The following KCNH1 variants were observed in gnomAD, a reference collection of about 807,000 sequenced individuals.
The protein encoded by KCNH1 is potassium voltage-gated channel subfamily H member 1.
In KCNH1, 27 loss-of-function variants were observed where a neutral mutation model predicts 69.2. The ratio of observed to expected loss-of-function variants is 0.39; its 90% CI spans 0.29 to 0.54. The LOEUF is 0.54. KCNH1 is among the 20% of genes least tolerant of loss of function. The pLI is 0.68. For missense variants in KCNH1, 798 were observed against 1,261.6 expected, an observed-to-expected ratio of 0.63 and a Z score of 5.57; for synonymous variants, 456 against 487.7, an observed-to-expected ratio of 0.93 and a Z score of 0.86.
intron 7 of KCNH1, among the ~76,000 whole-genome samples, chr1:210,846,842 G>A (rs1418888367): frequency 6.6e-6 from 1 of 152,104 alleles, no homozygotes; most frequent in Non-Finnish European, 1.5e-5. Context: ...CTGACAAAGG[G>A]CTAATATCCA....
intron 7 of KCNH1, among the ~76,000 whole-genome samples, chr1:210,869,506 T>C (rs1686190389): frequency 6.6e-6 from 1 of 150,696 alleles, no homozygotes; most frequent in African/African-American, 2.4e-5. Flanking sequence ...TGTGTGTGTG[T>C]GTGTGTGTGT....
chr1:210,959,295 C>T (rs1688249798), intron 6 of KCNH1, among the ~76,000 whole-genome samples: 1 of 152,110 alleles, frequency 6.6e-6, no homozygotes, highest in Admixed American at 6.5e-5. Context: ...GAAGCTTTGT[C>T]CCAGAGGGGC....
At chr1:210,779,966 GCA>G (rs1250548585) in intron 9 of KCNH1, among the ~76,000 whole-genome samples, 2 of 152,154 alleles carry the variant, frequency 1.3e-5, no homozygotes, top group African/African-American at 4.8e-5. Flanking sequence ...CCAGGGAGGG[GCA>G]CAGCACAGAA....
chr1:210,705,071 G>A (rs529144364), intron 10 of KCNH1, among the ~76,000 whole-genome samples: 2 of 152,140 alleles, frequency 1.3e-5, no homozygotes, highest in Admixed American at 6.5e-5. Context: ...CGGCCCCTGC[G>A]CAGGAGACAA....
intron 7 of KCNH1, among the ~76,000 whole-genome samples, chr1:210,854,024 A>G (rs1181061805): frequency 2.0e-5 from 3 of 147,510 alleles, no homozygotes; most frequent in Non-Finnish European, 4.5e-5. Flanking sequence ...GTTTTGTCAC[A>G]TAAATGAAAT....
intron 7 of KCNH1, among the ~76,000 whole-genome samples, chr1:210,863,937 G>C (rs1002572919): frequency 6.6e-6 from 1 of 151,314 alleles, no homozygotes; most frequent in South Asian, 2.1e-4. Flanking sequence ...GATCATACAA[G>C]CACATGCACC....
At chr1:210,985,400 G>T (rs1193788195) in intron 6 of KCNH1, among the ~76,000 whole-genome samples, 1 of 152,128 alleles carries the variant, frequency 6.6e-6, no homozygotes, top group Non-Finnish European at 1.5e-5. Context: ...GATCTTTCCT[G>T]CTTTCTCTTG....
At chr1:210,801,114 TTGAAGTCC>T (rs1011351740) in intron 8 of KCNH1, among the ~76,000 whole-genome samples, 2 of 152,176 alleles carry the variant, frequency 1.3e-5, no homozygotes, top group Non-Finnish European at 2.9e-5. Flanking sequence ...CAGGGAGGCT[TTGAAGTCC>T]AGAAGGTCAT....
chr1:210,717,772 T>C (rs1682296456), intron 10 of KCNH1, among the ~76,000 whole-genome samples: 1 of 152,194 alleles, frequency 6.6e-6, no homozygotes, highest in Non-Finnish European at 1.5e-5. Flanking sequence ...GAGCCACATA[T>C]GTGAATTTTC....
chr1:210,814,500 A>C (rs1185606374), intron 7 of KCNH1, among the ~76,000 whole-genome samples: 1 of 152,156 alleles, frequency 6.6e-6, no homozygotes, highest in Non-Finnish European at 1.5e-5. Flanking sequence ...TTAAATACTC[A>C]GATATGTCAT....
chr1:210,721,666 C>T (rs887563454), intron 10 of KCNH1, among the ~76,000 whole-genome samples: 55 of 152,026 alleles, frequency 3.6e-4, no homozygotes, highest in African/African-American at 1.3e-3. Context: ...GTAGAAGGAG[C>T]GGGGAGGGAT....
chr1:210,774,308 A>G (rs1683817672), intron 10 of KCNH1, among the ~76,000 whole-genome samples: 1 of 152,150 alleles, frequency 6.6e-6, no homozygotes, highest in African/African-American at 2.4e-5. Context: ...GGCATGAGGA[A>G]GGTTTTTAAT....
At chr1:210,690,890 C>G (rs1468055414) in intron 10 of KCNH1, among the ~76,000 whole-genome samples, 5 of 152,062 alleles carry the variant, frequency 3.3e-5, no homozygotes, top group African/African-American at 7.2e-5. Context: ...AGTAAACTCA[C>G]AGTGTAAGCA....
At chr1:210,755,188 T>C (rs1186366993) in intron 10 of KCNH1, among the ~76,000 whole-genome samples, 2 of 152,114 alleles carry the variant, frequency 1.3e-5, no homozygotes, top group Non-Finnish European at 2.9e-5. Flanking sequence ...CCCCTGCTCA[T>C]GGGCACAGAA....
At chr1:210,969,967 G>T (rs1265425313) in intron 6 of KCNH1, among the ~76,000 whole-genome samples, 1 of 151,940 alleles carries the variant, frequency 6.6e-6, no homozygotes, top group Non-Finnish European at 1.5e-5. Context: ...CATGATATCT[G>T]CCCATTGCAG....
At chr1:211,093,457 TG>T (rs1454217022) in intron 3 of KCNH1, among the ~76,000 whole-genome samples, 6 of 152,150 alleles carry the variant, frequency 3.9e-5, no homozygotes, top group African/African-American at 1.4e-4. Context: ...GGCTAATTTT[TG>T]TATTTTTGGT....
intron 8 of KCNH1, among the ~76,000 whole-genome samples, chr1:210,802,246 G>T (rs1574265095): frequency 6.6e-6 from 1 of 152,216 alleles, no homozygotes; most frequent in Non-Finnish European, 1.5e-5. Flanking sequence ...TCAAGTTGAG[G>T]ATTAAATTCA....
Position 211,001,818 on chromosome 1 carries a change from G to A in KCNH1, c.1032+16965C>T, listed in dbSNP as rs552750431. Reference sequence around the variant, plus strand: ...ACAAAATGTGGCATATATACACCACGGAATACTATGCAGCCATAAAAAGGA... The same window carrying A: ...ACAAAATGTGGCATATATACACCACAGAATACTATGCAGCCATAAAAAGGA... On this transcript the variant is annotated intron_variant, in intron 6 of 10. Transcript: ENST00000271751. Among the ~76,000 whole-genome samples the A allele has an allele frequency of 8.4e-4, 128 of 152,182 alleles. 1 individual carries two copies. Among genetic ancestry groups the A allele is most frequent in the African/African-American group, 3.0e-3 (124 of 41,504 alleles).
chr1:211,068,149 T>C (rs540429432), intron 5 of KCNH1, among the ~76,000 whole-genome samples: 47 of 152,354 alleles, frequency 3.1e-4, no homozygotes, highest in Non-Finnish European at 4.9e-4. Flanking sequence ...AGTCCACCTG[T>C]GCTTTGTGTC....
Sources: allele counts gnomAD v4.1 joint callset (sites outside exome capture counted in the v4.1 genomes callset), GRCh38; gene constraint gnomAD v4.1.1; transcripts MANE v1.5; gene names NCBI Gene and HGNC (gene_info 2026-07-23, HGNC 2026-07-21).